The following XPO1 variants were observed in gnomAD, a reference collection of about 807,000 sequenced individuals.
XPO1 encodes exportin-1.
XPO1 carries 5 observed loss-of-function variants against 133.3 expected under a neutral mutation model. The observed-to-expected ratio is 0.04, with a 90% CI of 0.02 to 0.08. XPO1 has a LOEUF of 0.08. XPO1 is among the 10% of genes least tolerant of loss of function. The pLI is 1.00. For synonymous variants in XPO1, 419 were observed against 408.2 expected (o/e 1.03, Z -0.32); for missense variants, 506 against 1,267.5 (o/e 0.40, Z 9.12).
chr2:61,526,529 A>G lies in XPO1; in HGVS notation c.127-8T>C, dbSNP rs768982160. 3 of 1,548,902 alleles carry G rather than the reference A, an allele frequency of 1.9e-6. No individual in the cohort carries two copies. In the East Asian group the frequency reaches 6.9e-5, roughly 36 times the overall value. On this transcript the variant is annotated splice_polypyrimidine_tract_variant and splice_region_variant and intron_variant, in intron 2 of 24. Coordinates refer to ENST00000401558, the MANE Select transcript of XPO1 (RefSeq NM_003400.4). ...TTCTTGAGCCATTCTTTGCTAAAAT[A>G]TTATTAAAAAAAACAAAACTTAAGC...
intron 21 of XPO1, 141 bp downstream of exon 21, chr2:61,483,795 GC>G: frequency 1.1e-6 from 1 of 934,860 alleles, no homozygotes; most frequent in Non-Finnish European, 1.6e-6. Context: ...TGATTAAACT[GC>G]TTATAGGATT....
At chr2:61,526,833 G>C (rs1698925527) in intron 2 of XPO1, among the ~76,000 whole-genome samples, 2 of 151,672 alleles carry the variant, frequency 1.3e-5, no homozygotes, top group Middle Eastern at 3.2e-3. Flanking sequence ...TCAGCCTCCT[G>C]AGTAGCTGGG....
intron 4 of XPO1, among the ~76,000 whole-genome samples, chr2:61,510,031 G>T (rs1333520636): frequency 6.6e-6 from 1 of 152,114 alleles, no homozygotes; most frequent in African/African-American, 2.4e-5. Context: ...TGTAATCCTA[G>T]CGCTGTGGGA....
At chr2:61,518,955 T>C (rs1698547499) in intron 4 of XPO1, among the ~76,000 whole-genome samples, 1 of 152,202 alleles carries the variant, frequency 6.6e-6, no homozygotes, top group African/African-American at 2.4e-5. Flanking sequence ...TCTAATTATG[T>C]CTATCTTTTG....
chr2:61,503,652 C>A (rs146542417), intron 4 of XPO1, among the ~76,000 whole-genome samples: 43,289 of 151,882 alleles, frequency 0.29, 6,535 homozygotes, highest in Middle Eastern at 0.41. Flanking sequence ...TCTCGATCTC[C>A]TGACCTCGTG....
rs2104383697 is a variant in XPO1 at position 61,488,280 on chromosome 2, C to G, written c.2207-9G>C. ...CTTTGTAACCATTTCACCTACAAAA[C>G]AGAATCAAATGGAATCTAATTTTAC... On this transcript the variant is annotated splice_polypyrimidine_tract_variant and intron_variant, in intron 18 of 24. Coordinates refer to ENST00000401558, the MANE Select transcript of XPO1 (RefSeq NM_003400.4). The G allele has an allele frequency of 6.2e-7, 1 of 1,611,164 alleles. No individual in the cohort carries two copies. The highest frequency in any genetic ancestry group is 1.1e-5 in the South Asian group (1 of 90,990).
intron 12 of XPO1, 125 bp from the exon 13 acceptor site, chr2:61,493,178 G>T: frequency 1.0e-6 from 1 of 969,444 alleles, no homozygotes; most frequent in Non-Finnish European, 1.5e-6. Flanking sequence ...AGGGATTCAT[G>T]CCTATAATTC....
intron 10 of XPO1, among the ~76,000 whole-genome samples, chr2:61,495,965 A>G (rs571980829): frequency 4.6e-5 from 7 of 152,184 alleles, no homozygotes; most frequent in African/African-American, 1.7e-4. Context: ...TATTGCACTC[A>G]GCCAACACTA....
intron 4 of XPO1, among the ~76,000 whole-genome samples, chr2:61,507,495 C>G (rs547501165): frequency 1.3e-5 from 2 of 151,920 alleles, no homozygotes. Flanking sequence ...ACCCATCACC[C>G]AGGAGACTGA....
chr2:61,479,454 C>CAA (rs1696223718), intron 24 of XPO1, among the ~76,000 whole-genome samples: 15 of 108,874 alleles, frequency 1.4e-4, no homozygotes, highest in Admixed American at 1.0e-3. Flanking sequence ...CTGTGCCCCC[C>CAA]CAAAAAAAAC....
chr2:61,514,799 G>T (rs1356638605), intron 4 of XPO1, among the ~76,000 whole-genome samples: 1 of 152,040 alleles, frequency 6.6e-6, no homozygotes, highest in African/African-American at 2.4e-5. Context: ...TATGGGCTGG[G>T]CGCAGTGGCT....
At chr2:61,491,915 A>G in intron 16 of XPO1, 120 bp downstream of exon 16, 1 of 1,281,638 alleles carries the variant, frequency 7.8e-7, no homozygotes, top group East Asian at 2.5e-5. Flanking sequence ...AAAAAGAAAG[A>G]AAATTTAATC....
chr2:61,504,907 C>T (rs912129163), intron 4 of XPO1, among the ~76,000 whole-genome samples: 1 of 152,128 alleles, frequency 6.6e-6, no homozygotes, highest in Non-Finnish European at 1.5e-5. Context: ...TGCAGTAAAG[C>T]AACGTAATAC....
intron 3 of XPO1, chr2:61,526,152 G>T: frequency 8.1e-7 from 1 of 1,230,256 alleles, no homozygotes; most frequent in Non-Finnish European, 1.0e-6. Context: ...ATGCTACTTA[G>T]ACCTGTATAC....
Position 61,492,655 on chromosome 2 carries a change from T to G in XPO1, c.1478A>C (p.Asn493Thr), listed in dbSNP as rs367846399. 5.0e-6 allele frequency: 8 copies of G among 1,613,842 alleles called. No homozygotes were observed. Among genetic ancestry groups the G allele is most frequent in the Non-Finnish European group, 6.8e-6 (8 of 1,179,966 alleles). ...TATTGCCCAACACAATGTATTCAAA[T>G]TTTTCCATGACCACTCTGTACCATT... ...QVNGTEWSWK[N>T]LNTLCWAIGS... Residue 493 changes from asparagine to threonine, a missense_variant, in exon 14 of 25, where the codon AAT becomes ACT. This residue lies in a region of XPO1 where 21 missense variants were observed against 198.1 expected (regional missense o/e 0.11). Coordinates refer to ENST00000401558, the MANE Select transcript of XPO1 (RefSeq NM_003400.4). This position sits in a 1 kb window ranked among gnomAD's most constrained non-coding sequence, Gnocchi z 5.6.
intron 11 of XPO1, chr2:61,494,472 G>A (rs1211657370): frequency 1.1e-5 from 2 of 190,446 alleles, no homozygotes; most frequent in Non-Finnish European, 1.1e-5. Flanking sequence ...GATAAAAAGT[G>A]AGGTATTGAT....
At chr2:61,531,218 A>T (rs991529069) in intron 2 of XPO1, among the ~76,000 whole-genome samples, 1 of 152,210 alleles carries the variant, frequency 6.6e-6, no homozygotes, top group Non-Finnish European at 1.5e-5. Context: ...ACCAGCTTTA[A>T]GCTCTAAATC....
intron 4 of XPO1, among the ~76,000 whole-genome samples, chr2:61,521,999 C>T (rs1019861447): frequency 1.3e-5 from 2 of 152,102 alleles, no homozygotes; most frequent in African/African-American, 4.8e-5. Flanking sequence ...CTTAAATGAC[C>T]CTCCCACTTC....
intron 23 of XPO1, among the ~76,000 whole-genome samples, chr2:61,482,019 G>A (rs142707702): frequency 0.11 from 4,374 of 40,176 alleles, 256 homozygotes; most frequent in African/African-American, 0.31. Flanking sequence ...ACAGTCATGA[G>A]CCACCGTGCG....
Sources: allele counts gnomAD v4.1 joint callset (sites outside exome capture counted in the v4.1 genomes callset), GRCh38; gene constraint gnomAD v4.1.1; regional missense constraint gnomAD v4.1.1; non-coding constraint Gnocchi (gnomAD v3.1); transcripts MANE v1.5; gene names NCBI Gene and HGNC (gene_info 2026-07-23, HGNC 2026-07-21).